PTPRN2: variants seen among roughly 807,000 people sequenced by gnomAD.
PTPRN2 encodes the protein receptor-type tyrosine-protein phosphatase N2.
A neutral mutation model predicts 118.8 loss-of-function variants in PTPRN2; 74 were observed. That is an observed-to-expected ratio of 0.62 (90% confidence interval 0.52 to 0.76). PTPRN2 has a LOEUF of 0.76. Among genes scored for constraint, PTPRN2 ranks in the 30% least tolerant of loss-of-function variants. The pLI, the probability that PTPRN2 is intolerant of heterozygous loss-of-function variation, is 0.00. For synonymous variants in PTPRN2, 641 were observed against 608.0 expected, an observed-to-expected ratio of 1.05 and a Z score of -0.80; for missense variants, 1,481 against 1,394.4, an observed-to-expected ratio of 1.06 and a Z score of -0.99.
chr7:158,098,971 T>G (rs557669986), intron 10 of PTPRN2, among the ~76,000 whole-genome samples: 23 of 149,678 alleles, frequency 1.5e-4, no homozygotes, highest in African/African-American at 5.2e-4. Context: ...GCCTCATTCC[T>G]GGGTTCCGCA....
At chr7:158,356,701 G>C (rs1808409935) in intron 2 of PTPRN2, among the ~76,000 whole-genome samples, 1 of 151,950 alleles carries the variant, frequency 6.6e-6, no homozygotes, top group South Asian at 2.1e-4. Flanking sequence ...GCCAGACAGA[G>C]CCTGTGCTGC....
chr7:157,711,621 C>G (rs1798623729), intron 12 of PTPRN2, among the ~76,000 whole-genome samples: 1 of 152,182 alleles, frequency 6.6e-6, no homozygotes, highest in African/African-American at 2.4e-5. Context: ...CTGCTCTCCT[C>G]TTTGTCTTCT....
chr7:157,886,292 G>A (rs568821577), intron 12 of PTPRN2, among the ~76,000 whole-genome samples: 16 of 152,288 alleles, frequency 1.1e-4, no homozygotes, highest in South Asian at 2.1e-4. Flanking sequence ...ACAATAAGCC[G>A]TGTCCCTGCG....
intron 14 of PTPRN2, among the ~76,000 whole-genome samples, chr7:157,626,460 G>T (rs914151200): frequency 3.9e-5 from 6 of 152,286 alleles, no homozygotes; most frequent in African/African-American, 1.4e-4. Flanking sequence ...TCAAGGTGCA[G>T]TTCAGACAAC....
At chr7:157,993,243 C>T (rs138184295) in intron 11 of PTPRN2, among the ~76,000 whole-genome samples, 214 of 152,128 alleles carry the variant, frequency 1.4e-3, no homozygotes, top group Admixed American at 3.9e-3. Context: ...TTTCCTATAT[C>T]GGTGCGTACC....
intron 1 of PTPRN2, among the ~76,000 whole-genome samples, chr7:158,556,773 C>A (rs971197502): frequency 1.5e-5 from 2 of 136,610 alleles, no homozygotes; most frequent in Non-Finnish European, 3.1e-5. Flanking sequence ...GTTGCTCCCA[C>A]GCAGGTCGCT....
At chr7:157,864,200 C>T (rs796218677) in intron 12 of PTPRN2, 21 of 152,354 alleles carry the variant, frequency 1.4e-4, no homozygotes, top group African/African-American at 4.6e-4. Flanking sequence ...TGAGTGCGTC[C>T]CCCCATCCAG....
intron 3 of PTPRN2, among the ~76,000 whole-genome samples, chr7:158,297,858 T>C (rs1360055116): frequency 6.6e-6 from 1 of 152,254 alleles, no homozygotes; most frequent in South Asian, 2.1e-4. Flanking sequence ...ATTGTGAATG[T>C]GGACTACTCT....
chr7:157,642,814 C>CAAAA lies in PTPRN2; in HGVS notation c.2196+13539_2196+13542dup, dbSNP rs11335302. ...AAGGGTCTACCAAGTCAAGAAACAGCAAAAAAAAAAAAAAAAAAAAAAAAA... is the reference window on the plus strand; with the variant it reads ...AAGGGTCTACCAAGTCAAGAAACAGCAAAAAAAAAAAAAAAAAAAAAAAAAAAAA... On this transcript the variant is annotated intron_variant, in intron 14 of 22. Coordinates refer to ENST00000389418, the MANE Select transcript of PTPRN2 (RefSeq NM_002847.5). Among the ~76,000 whole-genome samples the CAAAA allele has an allele frequency of 9.5e-3, 231 of 24,204 alleles. 45 individuals are homozygous for CAAAA. The highest frequency in any genetic ancestry group is 0.025 in the South Asian group (5 of 200). The allele number at this position is 24,204 out of a possible 152,430, so 15.9% of individuals were successfully genotyped here.
At chr7:157,945,913 C>T (rs1319423563) in intron 11 of PTPRN2, among the ~76,000 whole-genome samples, 5 of 152,122 alleles carry the variant, frequency 3.3e-5, no homozygotes, top group African/African-American at 1.2e-4. Context: ...AGCTGGGTGC[C>T]TTCCCCCTTC....
At chr7:158,567,151 C>T (rs995206003) in intron 1 of PTPRN2, among the ~76,000 whole-genome samples, 1 of 152,234 alleles carries the variant, frequency 6.6e-6, no homozygotes, top group African/African-American at 2.4e-5. Flanking sequence ...TAAGTATCTA[C>T]ATTTTCACAA....
At chr7:158,043,648 A>T (rs557559545) in intron 11 of PTPRN2, among the ~76,000 whole-genome samples, 1 of 152,338 alleles carries the variant, frequency 6.6e-6, no homozygotes, top group East Asian at 1.9e-4. Flanking sequence ...TGCATTAAAG[A>T]GGCCAATTTC....
intron 15 of PTPRN2, among the ~76,000 whole-genome samples, chr7:157,607,183 G>GA (rs1380008396): frequency 1.3e-5 from 2 of 152,134 alleles, no homozygotes; most frequent in Admixed American, 6.5e-5. Context: ...CAAATCATCA[G>GA]AAAAAAACTG....
chr7:157,786,168 T>C (rs1585462968), intron 12 of PTPRN2, among the ~76,000 whole-genome samples: 1 of 152,212 alleles, frequency 6.6e-6, no homozygotes, highest in African/African-American at 2.4e-5. Flanking sequence ...GGGTTCTCCC[T>C]GCTCACACAA....
chr7:157,940,555 G>A (rs1450459161), intron 11 of PTPRN2, among the ~76,000 whole-genome samples: 14 of 91,278 alleles, frequency 1.5e-4, no homozygotes, highest in South Asian at 3.8e-4. Flanking sequence ...CAAATCTAAC[G>A]CCCTCCCCTG....
chr7:158,393,783 A>T (rs930759401), intron 2 of PTPRN2, among the ~76,000 whole-genome samples: 1 of 152,140 alleles, frequency 6.6e-6, no homozygotes, highest in African/African-American at 2.4e-5. Flanking sequence ...AAGGAAGCCC[A>T]CACCGTCTTC....
chr7:158,351,538 C>T lies in PTPRN2; in HGVS notation c.164-34606G>A, dbSNP rs147496047. ...CCTTTTAAAGAATGCTAAAACATTA[C>T]GGGCACTTTAGCCCCGCGTTTCTTA... On this transcript the variant is annotated intron_variant, in intron 2 of 22. Coordinates refer to ENST00000389418, the MANE Select transcript of PTPRN2 (RefSeq NM_002847.5). Among the ~76,000 whole-genome samples the T allele has an allele frequency of 2.6e-3, 400 of 152,286 alleles. 9 individuals carry two copies. Among genetic ancestry groups the T allele is most frequent in the African/African-American group, 9.0e-3 (375 of 41,546 alleles).
chr7:157,811,238 C>T (rs1286908935), intron 12 of PTPRN2, among the ~76,000 whole-genome samples: 2 of 149,138 alleles, frequency 1.3e-5, no homozygotes, highest in African/African-American at 2.5e-5. Context: ...ACCACTATAC[C>T]CCAGCCTGGA....
intron 11 of PTPRN2, among the ~76,000 whole-genome samples, chr7:157,982,281 ATG>A (rs1355066926): frequency 2.0e-5 from 1 of 51,146 alleles, no homozygotes. Context: ...AAGGAGGGGA[ATG>A]CAGAGTGCAG....
Sources: allele counts gnomAD v4.1 joint callset (sites outside exome capture counted in the v4.1 genomes callset), GRCh38; gene constraint gnomAD v4.1.1; transcripts MANE v1.5; gene names NCBI Gene and HGNC (gene_info 2026-07-23, HGNC 2026-07-21).